XK: variants seen among roughly 807,000 people sequenced by gnomAD.
XK encodes endoplasmic reticulum membrane adapter protein XK.
Under a neutral mutation model 14.0 loss-of-function variants are expected in XK, and 2 were observed. That is an observed-to-expected ratio of 0.14 (90% CI 0.06 to 0.45). The LOEUF is 0.45. XK is among the 20% of genes least tolerant of loss of function. The pLI, the probability that XK is intolerant of heterozygous loss-of-function variation, is 0.98. For synonymous variants in XK, 149 were observed against 147.5 expected, an observed-to-expected ratio of 1.01 and a Z score of -0.08; for missense variants, 235 against 341.5, an observed-to-expected ratio of 0.69 and a Z score of 2.46.
chrX:37,711,825 C>G (rs1927672711), intron 2 of XK, among the ~76,000 whole-genome samples: 1 of 111,606 alleles, frequency 9.0e-6, no homozygotes, highest in African/African-American at 3.3e-5. Flanking sequence ...GGGACAATTT[C>G]TGTCACAGAT....
Position 37,727,806 on chromosome X carries a change from G to A in XK, c.679G>A (p.Val227Ile). The stretch of plus-strand genomic sequence containing the variant: ...GATTGCCACTCGAGTTGTAGTCCTG[G>A]TCCTCTTTACCTCCGTCCTGAAGAC... ...FEIATRVVVL[V>I]LFTSVLKTWV... The change falls in exon 3 of 3, where the codon GTC becomes ATC. Residue 227 changes from valine (V) to isoleucine (I), a missense_variant. By Grantham distance (29) the Val-to-Ile change is conservative. Transcript: ENST00000378616. 1 of 1,211,084 alleles carries A rather than the reference G, an allele frequency of 8.3e-7. No homozygotes were observed. Among genetic ancestry groups the A allele is most frequent in the South Asian group, 1.8e-5 (1 of 56,948 alleles).
chrX:37,700,515 G>T (rs1927391406), intron 2 of XK, among the ~76,000 whole-genome samples: 1 of 112,224 alleles, frequency 8.9e-6, no homozygotes, highest in Non-Finnish European at 1.9e-5. Flanking sequence ...CCCATAGAGA[G>T]CTGAATGGGT....
chrX:37,695,192 C>T (rs1489727665), intron 2 of XK, among the ~76,000 whole-genome samples: 5 of 112,133 alleles, frequency 4.5e-5, no homozygotes, highest in African/African-American at 1.3e-4. Context: ...TTAGAAAATA[C>T]AGTTTACCAG....
chrX:37,690,743 G>A (rs1214841461), intron 1 of XK, among the ~76,000 whole-genome samples: 1 of 111,804 alleles, frequency 8.9e-6, no homozygotes, highest in African/African-American at 3.3e-5. Context: ...CATGGCGTGT[G>A]AATCATAAAA....
intron 2 of XK, among the ~76,000 whole-genome samples, chrX:37,717,244 G>T (rs1378508499): frequency 9.0e-6 from 1 of 111,253 alleles, no homozygotes; most frequent in Non-Finnish European, 1.9e-5. Flanking sequence ...TAGGGAAATA[G>T]ACTAATTATA....
intron 1 of XK, among the ~76,000 whole-genome samples, chrX:37,693,830 A>C (rs1556441993): frequency 8.9e-6 from 1 of 111,962 alleles, no homozygotes; most frequent in Non-Finnish European, 1.9e-5. Context: ...GCATGCATGC[A>C]TGCAGTCACA....
intron 2 of XK, among the ~76,000 whole-genome samples, chrX:37,716,982 T>C (rs1927779361): frequency 8.9e-6 from 1 of 111,777 alleles, no homozygotes. Context: ...CAGCTTAGCA[T>C]AGTGAGGCTT....
At chrX:37,717,312 A>G (rs1484202990) in intron 2 of XK, among the ~76,000 whole-genome samples, 1 of 111,861 alleles carries the variant, frequency 8.9e-6, no homozygotes, top group Non-Finnish European at 1.9e-5. Context: ...AAGACTACTT[A>G]GGTTGGAATT....
intron 2 of XK, among the ~76,000 whole-genome samples, chrX:37,714,941 A>T (rs782458400): frequency 7.0e-4 from 78 of 110,995 alleles, no homozygotes; most frequent in African/African-American, 2.5e-3. Context: ...TTTAAATAAC[A>T]CATTTATTGT....
Position 37,728,156 on chromosome X carries a change from T to C in XK, c.1029T>C (p.Tyr343=). The change falls in exon 3 of 3, where the codon TAT becomes TAC. Residue 343 remains tyrosine (Y), a synonymous_variant. Transcript: ENST00000378616. ...GGTATCTTTTCAAGACTGACATCTA[T>C]ATGTATGTGTGCGCACCTCTGTTGG... ...LLWYLFKTDI[Y]MYVCAPLLVL... The C allele has an allele frequency of 8.3e-7, 1 of 1,211,602 alleles. No homozygotes were observed. Among genetic ancestry groups the C allele is most frequent in the African/African-American group, 1.7e-5 (1 of 57,774 alleles).
rs1927240070 is a variant in XK, at chrX:37,693,361, A to G, written c.246-925A>G. On this transcript the variant is annotated intron_variant, in intron 1 of 2. Coordinates refer to ENST00000378616, the MANE Select transcript of XK (RefSeq NM_021083.4). The stretch of plus-strand genomic sequence containing the variant: ...TTTTTAACCAGCATTTTATTATGAA[A>G]ATTTTCAAACACACAGAAGACAAGT... Among the ~76,000 whole-genome samples, 3 of 111,516 alleles carry G rather than the reference A, an allele frequency of 2.7e-5. No homozygotes were observed. In the Admixed American group the frequency reaches 2.9e-4, roughly 11 times the overall value.
chrX:37,686,000 G>A lies in XK; in HGVS notation c.39G>A (p.Leu13=). Residue 13 remains leucine (L), a synonymous_variant, in exon 1 of 3, where the codon CTG becomes CTA. Transcript: ENST00000378616. The part of the protein sequence containing the change: ...FPASVLASVF[L]FVAETTAALS... ...CCTCGGTGCTGGCGTCCGTGTTCCT[G>A]TTCGTGGCCGAGACAACGGCGGCGC... 8.3e-7 allele frequency: 1 copy of A among 1,208,130 alleles called. No homozygotes were observed. The highest frequency in any genetic ancestry group is 1.8e-5 in the South Asian group (1 of 56,204).
At chrX:37,697,277 A>T (rs1927321427) in intron 2 of XK, among the ~76,000 whole-genome samples, 1 of 112,349 alleles carries the variant, frequency 8.9e-6, no homozygotes, top group East Asian at 2.8e-4. Context: ...CAAGGGCTCC[A>T]GGTGATTTTA....
intron 2 of XK, among the ~76,000 whole-genome samples, chrX:37,713,775 C>G (rs1927712574): frequency 9.0e-6 from 1 of 111,332 alleles, no homozygotes; most frequent in Non-Finnish European, 1.9e-5. Flanking sequence ...AATGGATAGA[C>G]CAGCTTCATC....
In XK at chrX:37,727,967, A is replaced by G. The variant is rs782080014; in HGVS notation, c.840A>G (p.Leu280=). 3 of 1,211,043 alleles carry G rather than the reference A, an allele frequency of 2.5e-6. No homozygotes were observed. Among genetic ancestry groups the G allele is most frequent in the South Asian group, 1.8e-5 (1 of 56,931 alleles). The change falls in exon 3 of 3, where the codon CTA becomes CTG. Residue 280 remains leucine (L), a synonymous_variant. Transcript: ENST00000378616. ...ALSRVGTTIV[L]CFLTLLYTGI... The stretch of plus-strand genomic sequence containing the variant: ...GTAGAGTGGGCACCACCATTGTACT[A>G]TGCTTTCTAACTTTACTCTATACTG...
intron 2 of XK, among the ~76,000 whole-genome samples, chrX:37,703,975 AC>A (rs1556444405): frequency 8.9e-6 from 1 of 111,905 alleles, no homozygotes. Flanking sequence ...ATTTTGTTCC[AC>A]TGGACATTGT....
intron 2 of XK, among the ~76,000 whole-genome samples, chrX:37,714,668 G>A (rs782775374): frequency 8.9e-6 from 1 of 111,872 alleles, no homozygotes; most frequent in South Asian, 3.7e-4. Flanking sequence ...CCTGGCTTAC[G>A]AAGCTGGGAA....
intron 2 of XK, among the ~76,000 whole-genome samples, chrX:37,716,836 CA>C (rs1368752345): frequency 1.8e-5 from 2 of 111,647 alleles, no homozygotes; most frequent in Non-Finnish European, 3.8e-5. Flanking sequence ...TAACTCAACT[CA>C]CTGATGTCCC....
chrX:37,710,733 G>T (rs782509024), intron 2 of XK, among the ~76,000 whole-genome samples: 36 of 112,690 alleles, frequency 3.2e-4, no homozygotes, highest in Non-Finnish European at 5.6e-4. Flanking sequence ...AAAACTTCTT[G>T]TATGACATTT....
Sources: allele counts gnomAD v4.1 joint callset (sites outside exome capture counted in the v4.1 genomes callset), GRCh38; gene constraint gnomAD v4.1.1; transcripts MANE v1.5; gene names NCBI Gene and HGNC (gene_info 2026-07-23, HGNC 2026-07-21).